The following ZKSCAN5 variants were observed in gnomAD, a reference collection of about 807,000 sequenced individuals.
ZKSCAN5 encodes zinc finger with KRAB and SCAN domains 5, also known as zinc finger protein with KRAB and SCAN domains 5.
Under a neutral mutation model 60.0 loss-of-function variants are expected in ZKSCAN5, and 28 were observed. That is an observed-to-expected ratio of 0.47 (90% CI 0.35 to 0.64). The LOEUF (loss-of-function observed/expected upper bound fraction) is 0.64. ZKSCAN5 is among the 30% of genes least tolerant of loss of function. The pLI is 0.01. For synonymous variants in ZKSCAN5, 361 were observed against 371.2 expected, an observed-to-expected ratio of 0.97 and a Z score of 0.31; for missense variants, 881 against 1,034.6, an observed-to-expected ratio of 0.85 and a Z score of 2.04.
At position 99,532,234 on chromosome 7, in the gene ZKSCAN5, G is replaced by C; in HGVS notation, c.2505G>C (p.Glu835Asp). 6.3e-7 allele frequency: 1 copy of C among 1,588,282 alleles called. No homozygotes were observed. Among genetic ancestry groups the C allele is most frequent in the Non-Finnish European group, 8.5e-7 (1 of 1,170,752 alleles). The change falls in exon 7 of 7, where the codon GAG becomes GAC. Residue 835 changes from glutamate (E) to aspartate (D), a missense_variant. Around this residue, in one of 5 missense-constraint regions of ZKSCAN5, gnomAD observed 138 missense variants for 143.8 expected, o/e 0.96. Coordinates refer to ENST00000326775, the MANE Select transcript of ZKSCAN5 (RefSeq NM_145102.4). ...RTDPINTLSV[E>D]GSLL ...ATCCCATAAATACCTTAAGTGTAGA[G>C]GGGTCTCTGTTGTAGAATAGCTCTT...
At chr7:99,514,314 T>G (rs1020279382) in intron 3 of ZKSCAN5, among the ~76,000 whole-genome samples, 1 of 152,228 alleles carries the variant, frequency 6.6e-6, no homozygotes, top group Non-Finnish European at 1.5e-5. Flanking sequence ...ACTTTCAGTT[T>G]CATGATTCTC....
intron 3 of ZKSCAN5, among the ~76,000 whole-genome samples, chr7:99,517,679 T>C (rs1801326495): frequency 6.6e-6 from 1 of 151,744 alleles, no homozygotes; most frequent in Non-Finnish European, 1.5e-5. Context: ...AGACTCCATC[T>C]CAAAAAAACA....
intron 5 of ZKSCAN5, among the ~76,000 whole-genome samples, chr7:99,520,944 G>T (rs559307647): frequency 6.6e-6 from 1 of 151,950 alleles, no homozygotes; most frequent in Admixed American, 6.6e-5. Context: ...TATTATGTTC[G>T]CCTTGGCACC....
chr7:99,527,707 G>A (rs541091961), intron 6 of ZKSCAN5, among the ~76,000 whole-genome samples: 2 of 151,602 alleles, frequency 1.3e-5, no homozygotes, highest in South Asian at 4.2e-4. Flanking sequence ...TTTTTGAGAC[G>A]GAGTTTCACT....
chr7:99,527,345 A>G (rs1801837496), intron 6 of ZKSCAN5, among the ~76,000 whole-genome samples: 1 of 152,146 alleles, frequency 6.6e-6, no homozygotes, highest in South Asian at 2.1e-4. Flanking sequence ...CTCAAATAAC[A>G]AACAAACACA....
rs998544707 is a variant in ZKSCAN5, at chr7:99,516,376, T to A, written c.554-3451T>A. 1.8e-4 allele frequency among the ~76,000 whole-genome samples: 28 copies of A among 152,178 alleles called. 1 individual carries two copies. Among genetic ancestry groups the A allele is most frequent in the Non-Finnish European group, 7.3e-5 (5 of 68,042 alleles). Reference sequence around the variant, plus strand: ...TTCACCATTTTCATCAACTTCTGTTTTCAGTCTTTAGCCACTCCCGGTTTC... The same window carrying A: ...TTCACCATTTTCATCAACTTCTGTTATCAGTCTTTAGCCACTCCCGGTTTC... On this transcript the variant is annotated intron_variant, in intron 3 of 6. Transcript: ENST00000326775.
rs1329427464 is a variant in ZKSCAN5, at chr7:99,533,219, T to C, written c.*970T>C. The stretch of plus-strand genomic sequence containing the variant: ...GGTGATATACAGAATGAGTTTCAGT[T>C]TGCATTGCAGCTGGGATTGAAAGTA... On this transcript the variant is annotated 3_prime_UTR_variant, in exon 7 of 7. Coordinates refer to ENST00000326775, the MANE Select transcript of ZKSCAN5 (RefSeq NM_145102.4). The C allele has an allele frequency of 3.0e-6, 2 of 669,924 alleles. No individual in the cohort carries two copies. The allele number at this position is 669,924 out of a possible 1,614,324, so 41.5% of individuals were successfully genotyped here. A position where few individuals can be genotyped will look rare whatever the true frequency, so the allele number is the denominator to read the frequency against.
chr7:99,506,511 C>T (rs1386868663), intron 2 of ZKSCAN5, 53 bp downstream of exon 2: 2 of 1,542,322 alleles, frequency 1.3e-6, no homozygotes, highest in Admixed American at 2.0e-5. Context: ...GAACCATCTG[C>T]TGAGCAGGGG....
intron 6 of ZKSCAN5, among the ~76,000 whole-genome samples, chr7:99,527,909 G>A (rs1448168484): frequency 4.0e-5 from 6 of 151,650 alleles, no homozygotes; most frequent in Non-Finnish European, 7.4e-5. Context: ...GGATGGTCTC[G>A]AACTCCTGAC....
chr7:99,523,529 C>T (rs765303252), intron 5 of ZKSCAN5, among the ~76,000 whole-genome samples: 1 of 152,108 alleles, frequency 6.6e-6, no homozygotes, highest in African/African-American at 2.4e-5. Flanking sequence ...TCGCTTCAAC[C>T]AGGGAGTTAG....
Position 99,525,875 on chromosome 7 carries a change from C to T in ZKSCAN5, c.835C>T (p.His279Tyr). 1 of 1,614,032 alleles carries T rather than the reference C, an allele frequency of 6.2e-7. No individual in the cohort carries two copies. Among genetic ancestry groups the T allele is most frequent in the Middle Eastern group, 1.6e-4 (1 of 6,062 alleles). ...VKQISDDSES[H>Y]WVAPEHTERS... ...GCAGATTTCTGATGACTCTGAATCA[C>T]ACTGGGTGGCGCCAGAACACACCGA... is the stretch of plus-strand genomic sequence containing the variant. The change falls in exon 6 of 7, where the codon CAC (histidine) becomes TAC (tyrosine). Residue 279 changes from histidine to tyrosine, a missense_variant. Transcript: ENST00000326775.
intron 2 of ZKSCAN5, among the ~76,000 whole-genome samples, chr7:99,507,640 C>T (rs1182225154): frequency 6.6e-6 from 1 of 150,892 alleles, no homozygotes; most frequent in African/African-American, 2.4e-5. Context: ...TGGCTCACAC[C>T]TGTAATCCCA....
intron 2 of ZKSCAN5, among the ~76,000 whole-genome samples, chr7:99,509,711 C>T (rs1186423251): frequency 2.0e-5 from 3 of 152,082 alleles, no homozygotes; most frequent in African/African-American, 4.8e-5. Flanking sequence ...CGTGATCTGC[C>T]CACCTCGGCC....
intron 2 of ZKSCAN5, among the ~76,000 whole-genome samples, chr7:99,507,279 T>G (rs912202593): frequency 6.6e-6 from 1 of 152,070 alleles, no homozygotes; most frequent in African/African-American, 2.4e-5. Context: ...CTCTCTGAAA[T>G]TGCATTGTAT....
intron 5 of ZKSCAN5, among the ~76,000 whole-genome samples, chr7:99,524,316 C>T (rs1166216729): frequency 7.2e-5 from 11 of 152,086 alleles, no homozygotes; most frequent in South Asian, 4.1e-4. Context: ...TCAAGTGATC[C>T]GCCTACCTCG....
rs1584158276 is a variant in ZKSCAN5 at position 99,505,897 on chromosome 7, C to A, written c.-40-108C>A. 4.3e-6 allele frequency: 4 copies of A among 935,880 alleles called. No individual in the cohort carries two copies. The East Asian group carries it at 1.1e-4, about 25-fold the overall frequency. 58.0% of individuals were successfully genotyped at this position (935,880 alleles called of 1,614,324 possible). A position where few individuals can be genotyped will look rare whatever the true frequency, so the allele number is the denominator to read the frequency against. On this transcript the variant is annotated intron_variant, in intron 1 of 6. Coordinates refer to ENST00000326775, the MANE Select transcript of ZKSCAN5 (RefSeq NM_145102.4). ...TGGTCGTCTTTAGTATAGATGACCTCTTTGCCATCTGTCTTTGCTAATAAT... is the reference window on the plus strand; with the variant it reads ...TGGTCGTCTTTAGTATAGATGACCTATTTGCCATCTGTCTTTGCTAATAAT...
At chr7:99,518,954 G>A (rs75334174) in intron 3 of ZKSCAN5, among the ~76,000 whole-genome samples, 2 of 147,612 alleles carry the variant, frequency 1.4e-5, no homozygotes, top group African/African-American at 5.0e-5. Context: ...GATTACAGGC[G>A]TGAGCCACCG....
intron 2 of ZKSCAN5, among the ~76,000 whole-genome samples, chr7:99,509,083 G>A (rs928243635): frequency 6.6e-6 from 1 of 152,004 alleles, no homozygotes; most frequent in African/African-American, 2.4e-5. Flanking sequence ...CAGCTTCCTG[G>A]GTTCAAGTGA....
chr7:99,519,557 G>A (rs1331409302), intron 3 of ZKSCAN5, among the ~76,000 whole-genome samples: 4 of 152,108 alleles, frequency 2.6e-5, no homozygotes, highest in African/African-American at 4.8e-5. Flanking sequence ...TATTACAGGC[G>A]TGAGCCACTG....
Sources: allele counts gnomAD v4.1 joint callset (sites outside exome capture counted in the v4.1 genomes callset), GRCh38; gene constraint gnomAD v4.1.1; regional missense constraint gnomAD v4.1.1; transcripts MANE v1.5; gene names NCBI Gene and HGNC (gene_info 2026-07-23, HGNC 2026-07-21).